MARCHF3: variants seen among roughly 807,000 people sequenced by gnomAD.
The protein encoded by MARCHF3 is E3 ubiquitin-protein ligase MARCHF3.
MARCHF3 carries 13 observed loss-of-function variants against 24.2 expected under a neutral mutation model. That is an observed-to-expected ratio of 0.54 (90% CI 0.35 to 0.85). The LOEUF is 0.85. Ranked by LOEUF, MARCHF3 falls within the 40% of genes least tolerant of loss-of-function variation. The pLI, the probability that MARCHF3 is intolerant of heterozygous loss-of-function variation, is 0.01. For synonymous variants in MARCHF3, 144 were observed against 137.3 expected (o/e 1.05, Z -0.34); for missense variants, 276 against 325.0 (o/e 0.85, Z 1.16).
chr5:127,004,503 GTTC>G lies in MARCHF3; in HGVS notation c.-57+25844_-57+25846del, dbSNP rs946213442. Among the ~76,000 whole-genome samples the G allele has an allele frequency of 5.9e-5, 9 of 152,036 alleles. No individual in the cohort carries two copies. The South Asian group carries it at 6.3e-4, about 11-fold the overall frequency. ...ATAAATTCAGACTTGGCATGAATTTGTTCTACTACCTCATTACATAGGTTCAGC... is the reference window on the plus strand; with the variant it reads ...ATAAATTCAGACTTGGCATGAATTTGTACTACCTCATTACATAGGTTCAGC... On this transcript the variant is annotated intron_variant, in intron 1 of 4. Transcript: ENST00000308660.
At chr5:127,023,803 C>T (rs1752904157) in intron 1 of MARCHF3, among the ~76,000 whole-genome samples, 1 of 151,220 alleles carries the variant, frequency 6.6e-6, no homozygotes, top group South Asian at 2.1e-4. Flanking sequence ...AAAAAGGTTC[C>T]CTCAACAAAT....
intron 3 of MARCHF3, among the ~76,000 whole-genome samples, chr5:126,899,955 ACT>A (rs1297089451): frequency 6.6e-6 from 1 of 151,974 alleles, no homozygotes; most frequent in African/African-American, 2.4e-5. Context: ...ATTAGAGTTA[ACT>A]CTTGTGTTGA....
intron 1 of MARCHF3, among the ~76,000 whole-genome samples, chr5:126,938,224 G>C (rs2126807982): frequency 6.9e-6 from 1 of 144,396 alleles, no homozygotes; most frequent in South Asian, 2.1e-4. Context: ...CTGGGGTACA[G>C]AGGCTCAATC....
At chr5:127,028,760 T>TA (rs1485437968) in intron 1 of MARCHF3, among the ~76,000 whole-genome samples, 2 of 152,188 alleles carry the variant, frequency 1.3e-5, no homozygotes, top group African/African-American at 4.8e-5. Flanking sequence ...TGGCTATAAT[T>TA]ATTTCACAAA....
At chr5:126,990,091 C>T (rs1308192923) in intron 1 of MARCHF3, among the ~76,000 whole-genome samples, 1 of 89,976 alleles carries the variant, frequency 1.1e-5, no homozygotes, top group Non-Finnish European at 2.4e-5. Context: ...TTTAACAAGA[C>T]AATCCTAAGC....
intron 1 of MARCHF3, among the ~76,000 whole-genome samples, chr5:126,951,476 T>C (rs963125848): frequency 3.9e-5 from 6 of 152,180 alleles, no homozygotes; most frequent in Non-Finnish European, 8.8e-5. Context: ...AAATTTAACA[T>C]GTTAAAAGCT....
At chr5:126,900,565 G>A (rs1754071505) in intron 3 of MARCHF3, among the ~76,000 whole-genome samples, 1 of 151,998 alleles carries the variant, frequency 6.6e-6, no homozygotes, top group African/African-American at 2.4e-5. Context: ...CCAGCCTCCA[G>A]GACTGTGAGA....
chr5:126,995,844 C>T (rs977128413), intron 1 of MARCHF3, among the ~76,000 whole-genome samples: 1 of 152,202 alleles, frequency 6.6e-6, no homozygotes, highest in African/African-American at 2.4e-5. Flanking sequence ...TGGCATTCTA[C>T]TAGACCTACT....
rs146744451 is a variant in MARCHF3, at chr5:126,930,378, ATCT to A, written c.-56-12154_-56-12152del. On this transcript the variant is annotated intron_variant, in intron 1 of 4. Transcript: ENST00000308660. ...AAAATGAGAACAATTCTAAACCATT[ATCT>A]TCTTTTGCTTATTGCTGCACAGATC... 7.7e-3 allele frequency among the ~76,000 whole-genome samples: 1,165 copies of A among 152,286 alleles called. 10 individuals are homozygous for A. The highest frequency in any genetic ancestry group is 0.027 in the African/African-American group (1,115 of 41,552).
intron 3 of MARCHF3, among the ~76,000 whole-genome samples, chr5:126,900,447 G>C (rs1439678889): frequency 1.3e-5 from 2 of 152,018 alleles, no homozygotes; most frequent in Non-Finnish European, 2.9e-5. Context: ...CAGAGAACTA[G>C]CTCTTCCCGT....
At chr5:126,993,368 G>C (rs574308817) in intron 1 of MARCHF3, among the ~76,000 whole-genome samples, 11 of 152,150 alleles carry the variant, frequency 7.2e-5, no homozygotes, top group Non-Finnish European at 1.3e-4. Flanking sequence ...TTCAGATGAG[G>C]AGCTAAAAGT....
chr5:126,986,407 C>A (rs1226019663), intron 1 of MARCHF3, among the ~76,000 whole-genome samples: 1 of 152,166 alleles, frequency 6.6e-6, no homozygotes, highest in Non-Finnish European at 1.5e-5. Context: ...ATTTTTTGAG[C>A]ATCTAATTTA....
At chr5:126,906,409 T>C (rs1316994772) in intron 3 of MARCHF3, among the ~76,000 whole-genome samples, 1 of 152,228 alleles carries the variant, frequency 6.6e-6, no homozygotes, top group Non-Finnish European at 1.5e-5. Flanking sequence ...TTCCTCCTTG[T>C]ACCTCTGGTA....
intron 1 of MARCHF3, among the ~76,000 whole-genome samples, chr5:126,988,137 G>A (rs1355860387): frequency 6.6e-6 from 1 of 151,928 alleles, no homozygotes; most frequent in Admixed American, 6.6e-5. Context: ...CAAATCCCCA[G>A]GTATTTAAAT....
intron 3 of MARCHF3, among the ~76,000 whole-genome samples, chr5:126,878,968 C>A (rs926790539): frequency 4.1e-4 from 63 of 152,276 alleles, no homozygotes; most frequent in African/African-American, 1.5e-3. Context: ...TTTATGCCAA[C>A]AATGTGATTT....
chr5:126,987,813 A>T (rs903959145), intron 1 of MARCHF3, among the ~76,000 whole-genome samples: 2 of 152,042 alleles, frequency 1.3e-5, no homozygotes, highest in African/African-American at 4.8e-5. Context: ...CACTGTGGGT[A>T]CCCCTCACTC....
chr5:126,896,064 C>T (rs530637058), intron 3 of MARCHF3, among the ~76,000 whole-genome samples: 305 of 152,168 alleles, frequency 2.0e-3, no homozygotes, highest in Non-Finnish European at 3.5e-3. Flanking sequence ...TGGGAGTGAC[C>T]CGATTTTCCA....
chr5:127,012,268 T>C (rs1397481543), intron 1 of MARCHF3, among the ~76,000 whole-genome samples: 1 of 152,226 alleles, frequency 6.6e-6, no homozygotes, highest in African/African-American at 2.4e-5. Flanking sequence ...TATTTTGTGG[T>C]AATTCTTTTT....
At chr5:126,906,376 G>A (rs185205246) in intron 3 of MARCHF3, among the ~76,000 whole-genome samples, 1 of 152,296 alleles carries the variant, frequency 6.6e-6, no homozygotes, top group African/African-American at 2.4e-5. Flanking sequence ...GATTGGAATA[G>A]TTTCAGAAGG....
Sources: allele counts gnomAD v4.1 joint callset (sites outside exome capture counted in the v4.1 genomes callset), GRCh38; gene constraint gnomAD v4.1.1; transcripts MANE v1.5; gene names NCBI Gene and HGNC (gene_info 2026-07-23, HGNC 2026-07-21).